The following CADPS2 variants were observed in gnomAD, a reference collection of about 807,000 sequenced individuals.
The protein encoded by CADPS2 is calcium-dependent secretion activator 2.
Under a neutral mutation model 172.5 loss-of-function variants are expected in CADPS2, and 93 were observed. The observed-to-expected ratio is 0.54, with a 90% confidence interval of 0.46 to 0.64. CADPS2 has a LOEUF of 0.64. Ranked by LOEUF, CADPS2 falls within the 30% of genes least tolerant of loss-of-function variation. The pLI is 0.00. For missense variants in CADPS2, 1,420 were observed against 1,565.9 expected (o/e 0.91, Z 1.57); for synonymous variants, 546 against 555.2 (o/e 0.98, Z 0.23).
At chr7:122,563,783 G>C (rs1431494695) in intron 7 of CADPS2, among the ~76,000 whole-genome samples, 1 of 152,126 alleles carries the variant, frequency 6.6e-6, no homozygotes, top group African/African-American at 2.4e-5. Context: ...GGAACATAAA[G>C]TTATGGCAAA....
At chr7:122,445,004 GA>G (rs1180287364) in intron 15 of CADPS2, among the ~76,000 whole-genome samples, 2 of 152,014 alleles carry the variant, frequency 1.3e-5, no homozygotes, top group Non-Finnish European at 2.9e-5. Context: ...GCATCTGTCG[GA>G]AAAAAGTATA....
chr7:122,520,276 G>A (rs2060679828), intron 8 of CADPS2, among the ~76,000 whole-genome samples: 1 of 151,814 alleles, frequency 6.6e-6, no homozygotes. Context: ...CATTAACGCT[G>A]CAATGCTTAT....
intron 6 of CADPS2, among the ~76,000 whole-genome samples, chr7:122,590,729 T>C (rs1308020915): frequency 6.6e-6 from 1 of 151,790 alleles, no homozygotes; most frequent in African/African-American, 2.4e-5. Flanking sequence ...ATCTAGTAAA[T>C]AAAATTTACA....
intron 25 of CADPS2, among the ~76,000 whole-genome samples, chr7:122,374,553 C>T (rs940411575): frequency 2.0e-5 from 3 of 151,934 alleles, no homozygotes; most frequent in Non-Finnish European, 4.4e-5. Context: ...AAAGACTCTA[C>T]AAAAAAGAAC....
chr7:122,427,997 C>T (rs1310202166), intron 17 of CADPS2, among the ~76,000 whole-genome samples: 1 of 151,990 alleles, frequency 6.6e-6, no homozygotes, highest in Middle Eastern at 3.2e-3. Context: ...ATGTTTTTAT[C>T]AAAGCTAATT....
intron 1 of CADPS2, among the ~76,000 whole-genome samples, chr7:122,872,761 A>T (rs1284482249): frequency 6.6e-6 from 1 of 152,160 alleles, no homozygotes; most frequent in South Asian, 2.1e-4. Context: ...TCATGGCAGC[A>T]GAATTTATTT....
chr7:122,418,600 T>A (rs1007310106), intron 17 of CADPS2, among the ~76,000 whole-genome samples: 6 of 152,074 alleles, frequency 3.9e-5, no homozygotes, highest in Non-Finnish European at 7.4e-5. Context: ...TCTGGTTTAG[T>A]AGAACAGTGA....
chr7:122,876,415 G>A (rs1212636209), intron 1 of CADPS2, among the ~76,000 whole-genome samples: 1 of 152,268 alleles, frequency 6.6e-6, no homozygotes, highest in East Asian at 1.9e-4. Context: ...AGGCTGGAGT[G>A]CAGTGGTGCA....
chr7:122,547,993 G>A (rs1421164780), intron 8 of CADPS2, among the ~76,000 whole-genome samples: 2 of 152,152 alleles, frequency 1.3e-5, no homozygotes, highest in African/African-American at 4.8e-5. Context: ...AATGTCTTGA[G>A]TGTGATGGTA....
chr7:122,565,430 T>C (rs1325744082), intron 7 of CADPS2, among the ~76,000 whole-genome samples: 2 of 152,122 alleles, frequency 1.3e-5, no homozygotes, highest in Admixed American at 6.6e-5. Context: ...GGTCAGGACA[T>C]GGAATGATTC....
chr7:122,558,702 A>G (rs564218779), intron 7 of CADPS2, among the ~76,000 whole-genome samples: 1 of 152,310 alleles, frequency 6.6e-6, no homozygotes, highest in African/African-American at 2.4e-5. Context: ...ACATTTACAC[A>G]CAGAAATGTT....
intron 8 of CADPS2, among the ~76,000 whole-genome samples, chr7:122,527,613 AGAGAGTGTGTGTGTGT>A (rs1284798572): frequency 8.1e-4 from 83 of 102,000 alleles, no homozygotes; most frequent in African/African-American, 2.8e-3. Context: ...AGAGAGAGAG[AGAGAGTGTGTGTGTGT>A]GTGTGTGTGT....
chr7:122,348,016 T>C (rs2037953449), intron 27 of CADPS2, among the ~76,000 whole-genome samples: 1 of 152,322 alleles, frequency 6.6e-6, no homozygotes, highest in East Asian at 1.9e-4. Flanking sequence ...GATGCTGTAA[T>C]GTACAAAATA....
chr7:122,331,571 G>A (rs2034955747), intron 28 of CADPS2, among the ~76,000 whole-genome samples: 1 of 152,196 alleles, frequency 6.6e-6, no homozygotes, highest in Admixed American at 6.5e-5. Flanking sequence ...CCTGGGAGGT[G>A]GAGGTTGCAG....
chr7:122,480,820 C>T (rs1365501363), intron 12 of CADPS2, 32 bp downstream of exon 12: 3 of 1,456,596 alleles, frequency 2.1e-6, no homozygotes, highest in East Asian at 2.5e-5. Flanking sequence ...TTTTTTAAAA[C>T]ATCTAATTTT....
intron 1 of CADPS2, among the ~76,000 whole-genome samples, chr7:122,765,390 C>G (rs770864476): frequency 6.6e-6 from 1 of 152,014 alleles, no homozygotes; most frequent in African/African-American, 2.4e-5. Flanking sequence ...CAGCCATCAT[C>G]CAGAACAGTG....
At chr7:122,545,930 T>C (rs549903007) in intron 8 of CADPS2, among the ~76,000 whole-genome samples, 1 of 152,256 alleles carries the variant, frequency 6.6e-6, no homozygotes, top group African/African-American at 2.4e-5. Context: ...GTATTAATAT[T>C]GATACGTAAA....
At chr7:122,355,713 TAGAG>T (rs1301834064) in intron 27 of CADPS2, among the ~76,000 whole-genome samples, 1 of 152,132 alleles carries the variant, frequency 6.6e-6, no homozygotes, top group Non-Finnish European at 1.5e-5. Context: ...TGTTGTCTCA[TAGAG>T]AGAACTGGAC....
At chr7:122,328,303 CAA>C (rs1453176369) in intron 28 of CADPS2, among the ~76,000 whole-genome samples, 3 of 152,102 alleles carry the variant, frequency 2.0e-5, no homozygotes, top group Admixed American at 2.0e-4. Context: ...AGAAAAAAGT[CAA>C]AGATAGGTTC....
Sources: gnomAD v4.1 joint callset for allele counts (sites outside exome capture counted in the v4.1 genomes callset) on GRCh38, gnomAD v4.1.1 for gene constraint, MANE v1.5 for transcripts, NCBI Gene and HGNC (gene_info 2026-07-23, HGNC 2026-07-21) for gene names.